The following BMPR1B variants were observed in gnomAD, a reference collection of about 807,000 sequenced individuals.
BMPR1B encodes the protein bone morphogenetic protein receptor type 1B, also known as bone morphogenetic protein receptor type-1B.
In BMPR1B, 12 loss-of-function variants were observed where a neutral mutation model predicts 59.1. The observed-to-expected ratio is 0.20, with a 90% CI of 0.13 to 0.33. The LOEUF (loss-of-function observed/expected upper bound fraction) is 0.33. Ranked by LOEUF, BMPR1B falls within the 10% of genes least tolerant of loss-of-function variation. The pLI is 1.00. For synonymous variants in BMPR1B, 237 were observed against 207.3 expected, an observed-to-expected ratio of 1.14 and a Z score of -1.23; for missense variants, 550 against 610.9, an observed-to-expected ratio of 0.90 and a Z score of 1.05.
intron 1 of BMPR1B, among the ~76,000 whole-genome samples, chr4:94,814,546 T>C (rs1723938829): frequency 6.6e-6 from 1 of 152,246 alleles, no homozygotes; most frequent in Admixed American, 6.5e-5. Flanking sequence ...TTACCATTCT[T>C]GTGCCTCATT....
rs752156962 is a variant in BMPR1B, at chr4:95,125,032, G to A, written c.496G>A (p.Asp166Asn). ...RPRYSIGLEQ[D>N]ETYIPPGESL... ...TCGATACAGCATTGGGTTAGAACAG[G>A]ATGAAACTTACATTCCTCCTGGAGA... Residue 166 changes from aspartate (D) to asparagine (N), a missense_variant, in exon 8 of 13, where the codon GAT becomes AAT. Physicochemically the swap from Asp to Asn is conservative, Grantham distance 23 (BLOSUM62 1). Around this residue, in one of 6 missense-constraint regions of BMPR1B, gnomAD observed 318 missense variants for 284.6 expected, o/e 1.12. Coordinates refer to ENST00000515059, the MANE Select transcript of BMPR1B (RefSeq NM_001203.3). 1.9e-6 allele frequency: 3 copies of A among 1,613,578 alleles called. No homozygotes were observed. Among genetic ancestry groups the A allele is most frequent in the East Asian group, 4.5e-5 (2 of 44,880 alleles).
At chr4:94,967,941 G>A (rs529204350) in intron 2 of BMPR1B, among the ~76,000 whole-genome samples, 1 of 152,244 alleles carries the variant, frequency 6.6e-6, no homozygotes, top group East Asian at 1.9e-4. Context: ...ATGAGATATG[G>A]CACATTCTGT....
chr4:95,135,988 T>A (rs1733750333), intron 10 of BMPR1B, among the ~76,000 whole-genome samples: 1 of 152,168 alleles, frequency 6.6e-6, no homozygotes, highest in African/African-American at 2.4e-5. Flanking sequence ...AGTATGATAT[T>A]GGCCATGGGT....
chr4:94,827,265 A>G (rs17401285), intron 1 of BMPR1B, among the ~76,000 whole-genome samples: 17,092 of 152,160 alleles, frequency 0.11, 1,026 homozygotes, highest in Non-Finnish European at 0.13. Flanking sequence ...TATGTTATAT[A>G]AAGTTCGTAA....
chr4:94,862,672 G>A (rs545822324), intron 1 of BMPR1B, among the ~76,000 whole-genome samples: 21 of 151,276 alleles, frequency 1.4e-4, no homozygotes, highest in African/African-American at 2.9e-4. Context: ...TGGGCCGGGC[G>A]TGGTGGCTCA....
intron 3 of BMPR1B, among the ~76,000 whole-genome samples, chr4:95,032,146 G>A (rs568192435): frequency 2.6e-5 from 4 of 152,158 alleles, no homozygotes; most frequent in Admixed American, 2.6e-4. Flanking sequence ...TGGGGACTGG[G>A]AAATGCAAGA....
intron 3 of BMPR1B, 145 bp from the exon 4 acceptor site, chr4:95,104,263 A>C (rs1219077658): frequency 1.7e-5 from 17 of 979,948 alleles, no homozygotes; most frequent in Non-Finnish European, 2.2e-5. Context: ...ATTTTAATCA[A>C]AATACCAAAA....
intron 1 of BMPR1B, among the ~76,000 whole-genome samples, chr4:94,831,307 G>A (rs779207659): frequency 7.0e-6 from 1 of 142,634 alleles, no homozygotes; most frequent in African/African-American, 2.6e-5. Context: ...TTGTATAGCT[G>A]TACAATGTGT....
At chr4:94,776,739 C>T (rs925696798) in intron 1 of BMPR1B, among the ~76,000 whole-genome samples, 3 of 152,116 alleles carry the variant, frequency 2.0e-5, no homozygotes, top group Non-Finnish European at 4.4e-5. Context: ...CCAGTTACTA[C>T]ATTGCTATGT....
At chr4:94,817,264 C>T (rs1724046464) in intron 1 of BMPR1B, among the ~76,000 whole-genome samples, 1 of 152,160 alleles carries the variant, frequency 6.6e-6, no homozygotes, top group African/African-American at 2.4e-5. Flanking sequence ...TGGACTGAGG[C>T]AAATAGTAAT....
chr4:95,120,713 C>G (rs1732447197), intron 6 of BMPR1B, among the ~76,000 whole-genome samples: 1 of 143,238 alleles, frequency 7.0e-6, no homozygotes, highest in Admixed American at 7.3e-5. Context: ...CTCTCTCTCT[C>G]TCTTTCTCTC....
intron 3 of BMPR1B, among the ~76,000 whole-genome samples, chr4:95,017,730 T>C (rs1257183671): frequency 6.6e-6 from 1 of 152,204 alleles, no homozygotes; most frequent in Non-Finnish European, 1.5e-5. Flanking sequence ...CATTTTTCAA[T>C]GTGTATACTG....
At chr4:94,979,910 C>T (rs1048224732) in intron 2 of BMPR1B, among the ~76,000 whole-genome samples, 3 of 152,292 alleles carry the variant, frequency 2.0e-5, no homozygotes, top group East Asian at 1.9e-4. Context: ...CTTATTACTC[C>T]GGTTTCCCCT....
rs536256020 is a variant in BMPR1B at position 94,761,613 on chromosome 4, A to G, written c.-183+3545A>G. Among the ~76,000 whole-genome samples the G allele has an allele frequency of 2.0e-5, 3 of 152,218 alleles. No homozygotes were observed. The East Asian group carries it at 5.8e-4, about 29-fold the overall frequency. ...ACTTCCTGGTAAGCTTTTGTTTTAA[A>G]AAAGGCTAACACAGCTTTAAAAAAA... is the stretch of plus-strand genomic sequence containing the variant. On this transcript the variant is annotated intron_variant, in intron 1 of 12. Coordinates refer to ENST00000515059, the MANE Select transcript of BMPR1B (RefSeq NM_001203.3).
intron 3 of BMPR1B, among the ~76,000 whole-genome samples, chr4:95,102,782 A>G (rs543158370): frequency 1.3e-5 from 2 of 152,264 alleles, no homozygotes; most frequent in Admixed American, 6.5e-5. Flanking sequence ...ACTATATAGA[A>G]ATAATACATG....
chr4:94,883,141 C>T (rs187859077), intron 2 of BMPR1B, among the ~76,000 whole-genome samples: 23 of 152,218 alleles, frequency 1.5e-4, no homozygotes, highest in African/African-American at 5.1e-4. Flanking sequence ...CTGAGCTCAC[C>T]TCCCTTCTTC....
At chr4:94,773,794 C>G (rs1722272137) in intron 1 of BMPR1B, among the ~76,000 whole-genome samples, 1 of 151,922 alleles carries the variant, frequency 6.6e-6, no homozygotes, top group African/African-American at 2.4e-5. Flanking sequence ...ATCTTTGTTT[C>G]TTTGACTCCC....
chr4:94,922,188 T>C (rs1728715015), intron 2 of BMPR1B, among the ~76,000 whole-genome samples: 1 of 152,108 alleles, frequency 6.6e-6, no homozygotes. Context: ...TTGCCCCATC[T>C]GGTATTGAAC....
rs556495256 is a variant in BMPR1B, at chr4:95,097,165, C to G, written c.-17-7243C>G. On this transcript the variant is annotated intron_variant, in intron 3 of 12. Transcript: ENST00000515059. ...CTAATATATATGTAACTATACGTCACAAGCTAAGTGAACCACACATGTGTA... is the reference window on the plus strand; with the variant it reads ...CTAATATATATGTAACTATACGTCAGAAGCTAAGTGAACCACACATGTGTA... Among the ~76,000 whole-genome samples the G allele has an allele frequency of 2.9e-3, 432 of 147,704 alleles. 1 individual carries two copies. Among genetic ancestry groups the G allele is most frequent in the African/African-American group, 0.01 (415 of 40,408 alleles).
Sources: allele counts gnomAD v4.1 joint callset (sites outside exome capture counted in the v4.1 genomes callset), GRCh38; gene constraint gnomAD v4.1.1; regional missense constraint gnomAD v4.1.1; transcripts MANE v1.5; gene names NCBI Gene and HGNC (gene_info 2026-07-23, HGNC 2026-07-21).